Variants in PPP2R2C observed in about 807,000 individuals in gnomAD.
PPP2R2C encodes protein phosphatase 2, regulatory subunit B, gamma.
A neutral mutation model predicts 45.3 loss-of-function variants in PPP2R2C; 10 were observed. That is an observed-to-expected ratio of 0.22 (90% CI 0.14 to 0.37). PPP2R2C has a LOEUF of 0.37. PPP2R2C is among the 10% of genes least tolerant of loss of function. The pLI, the probability that PPP2R2C is intolerant of heterozygous loss-of-function variation, is 1.00. For missense variants in PPP2R2C, 308 were observed against 619.7 expected, an observed-to-expected ratio of 0.50 and a Z score of 5.34; for synonymous variants, 257 against 245.4, an observed-to-expected ratio of 1.05 and a Z score of -0.44.
intron 2 of PPP2R2C, among the ~76,000 whole-genome samples, chr4:6,526,279 C>T (rs558606960): frequency 5.9e-5 from 9 of 152,366 alleles, no homozygotes; most frequent in East Asian, 1.9e-4. Context: ...ATCATAAATT[C>T]CCTTCCTGGA....
At chr4:6,357,687 C>T (rs1260615196) in intron 5 of PPP2R2C, among the ~76,000 whole-genome samples, 3 of 152,194 alleles carry the variant, frequency 2.0e-5, no homozygotes, top group South Asian at 2.1e-4. Context: ...GGGCCTATCC[C>T]GGTCCCCCAT....
At chr4:6,506,841 T>A (rs1442288034) in intron 2 of PPP2R2C, among the ~76,000 whole-genome samples, 1 of 152,210 alleles carries the variant, frequency 6.6e-6, no homozygotes, top group Non-Finnish European at 1.5e-5. Context: ...TGGTCGATGC[T>A]GGCCATCAGC....
intron 2 of PPP2R2C, among the ~76,000 whole-genome samples, chr4:6,513,206 T>A (rs369773504): frequency 7.7e-4 from 117 of 152,330 alleles, no homozygotes; most frequent in African/African-American, 2.2e-3. Flanking sequence ...AGTAAATATG[T>A]TTAATCTTGA....
chr4:6,405,724 A>T (rs34006454), intron 1 of PPP2R2C, among the ~76,000 whole-genome samples: 4 of 152,094 alleles, frequency 2.6e-5, no homozygotes, highest in African/African-American at 4.8e-5. Flanking sequence ...ACATGACAAC[A>T]TCACGAAAAC....
Position 6,471,546 on chromosome 4 carries a change from T to A in PPP2R2C, c.70+614A>T, listed in dbSNP as rs1249538015. The A allele has an allele frequency of 2.6e-5, 4 of 152,344 alleles. No homozygotes were observed. The East Asian group carries it at 7.8e-4, about 30-fold the overall frequency. The allele number at this position is 152,344 out of a possible 1,614,324, so 9.4% of individuals were successfully genotyped here. On this transcript the variant is annotated intron_variant, in intron 1 of 8. Coordinates refer to ENST00000382599, the MANE Select transcript of PPP2R2C (RefSeq NM_020416.4). The surrounding 1 kb of genome is among the most constrained non-coding windows in gnomAD (Gnocchi z 5.6). Reference sequence around the variant, plus strand: ...TCCCGACAGTTAGCCCAGCTGCTCCTGTCTCAATATAACTCACCAGGAATA... The same window carrying A: ...TCCCGACAGTTAGCCCAGCTGCTCCAGTCTCAATATAACTCACCAGGAATA...
Position 6,358,981 on chromosome 4 carries a change from A to C in PPP2R2C, c.626-10971T>G, listed in dbSNP as rs572776588. The stretch of plus-strand genomic sequence containing the variant: ...AACTAGAAATACCATTTGACCCAGC[A>C]ATCCCATTACTGGGTATATACCCAA... On this transcript the variant is annotated intron_variant, in intron 5 of 8. Coordinates refer to ENST00000382599, the MANE Select transcript of PPP2R2C (RefSeq NM_020416.4). Among the ~76,000 whole-genome samples the C allele has an allele frequency of 5.3e-5, 8 of 152,346 alleles. No homozygotes were observed. In the East Asian group the frequency reaches 7.7e-4, roughly 15 times the overall value.
chr4:6,398,893 C>G lies in PPP2R2C; in HGVS notation c.71-17799G>C, dbSNP rs141051301. Among the ~76,000 whole-genome samples, 789 of 152,260 alleles carry G rather than the reference C, an allele frequency of 5.2e-3. 5 individuals carry two copies. The highest frequency in any genetic ancestry group is 0.018 in the African/African-American group (741 of 41,540). ...AATAAATCATGGCATATTCACAGAA[C>G]AGAATTCTCCTCAAAGAAAAAGGAA... is the stretch of plus-strand genomic sequence containing the variant. On this transcript the variant is annotated intron_variant, in intron 1 of 8. Coordinates refer to ENST00000382599, the MANE Select transcript of PPP2R2C (RefSeq NM_020416.4).
At chr4:6,389,599 G>A (rs1716459520) in intron 1 of PPP2R2C, among the ~76,000 whole-genome samples, 2 of 152,172 alleles carry the variant, frequency 1.3e-5, no homozygotes, top group South Asian at 2.1e-4. Context: ...GCTGACACTG[G>A]GATAAGGAGA....
chr4:6,455,022 T>C (rs568687170), intron 1 of PPP2R2C, among the ~76,000 whole-genome samples: 2 of 148,258 alleles, frequency 1.3e-5, no homozygotes, highest in Admixed American at 1.4e-4. Flanking sequence ...CAGACACCTA[T>C]CAAGGGATAA....
chr4:6,349,747 A>T, intron 5 of PPP2R2C: 1 of 689,174 alleles, frequency 1.5e-6, no homozygotes, highest in Non-Finnish European at 1.8e-6. Flanking sequence ...ACTAAAAAAA[A>T]ATTAGTAGTG....
At chr4:6,538,199 G>A (rs1421324894) in intron 1 of PPP2R2C, among the ~76,000 whole-genome samples, 1 of 152,086 alleles carries the variant, frequency 6.6e-6, no homozygotes, top group Admixed American at 6.6e-5. Flanking sequence ...ACGGCCCACT[G>A]AGGCGGGCAC....
Position 6,372,608 on chromosome 4 carries a change from G to A in PPP2R2C, c.540C>T (p.Ser180=), listed in dbSNP as rs201965712. ...NGHTYHINSI[S]VNSDCETYMS... is the part of the protein sequence containing the mutation. ...TGTAGGTCTCGCAGTCACTGTTGAC[G>A]GAGATGGAGTTGATGTGGTAGGTGT... Residue 180 remains serine (S), a synonymous_variant, in exon 5 of 9, where the codon TCC becomes TCT. Coordinates refer to ENST00000382599, the MANE Select transcript of PPP2R2C (RefSeq NM_020416.4). 9.8e-5 allele frequency: 158 copies of A among 1,614,082 alleles called. 1 individual carries two copies. Among genetic ancestry groups the A allele is most frequent in the Admixed American group, 8.5e-4 (51 of 60,014 alleles).
At chr4:6,518,922 T>TA (rs56002128) in intron 2 of PPP2R2C, among the ~76,000 whole-genome samples, 1,770 of 92,060 alleles carry the variant, frequency 0.019, 25 homozygotes, top group Non-Finnish European at 0.026. Flanking sequence ...GACTCTGTCT[T>TA]AAAAAAAAAA....
Position 6,378,292 on chromosome 4 carries a change from C to G in PPP2R2C, c.334+115G>C, listed in dbSNP as rs1242008803. The G allele has an allele frequency of 3.2e-6, 5 of 1,549,020 alleles. No homozygotes were observed. Among genetic ancestry groups the G allele is most frequent in the Non-Finnish European group, 4.3e-6 (5 of 1,152,192 alleles). Reference sequence around the variant, plus strand: ...TGCTGCTCAAAAAGGATATTATTTTCTAGGCGTTCTGAAGACATAGAAAAA... The same window carrying G: ...TGCTGCTCAAAAAGGATATTATTTTGTAGGCGTTCTGAAGACATAGAAAAA... On this transcript the variant is annotated intron_variant, in intron 3 of 8. Coordinates refer to ENST00000382599, the MANE Select transcript of PPP2R2C (RefSeq NM_020416.4). The surrounding 1 kb of genome is among the most constrained non-coding windows in gnomAD (Gnocchi z 5.2).
chr4:6,354,677 A>G (rs1053329675), intron 5 of PPP2R2C, among the ~76,000 whole-genome samples: 1 of 137,206 alleles, frequency 7.3e-6, no homozygotes, highest in Non-Finnish European at 1.5e-5. Flanking sequence ...ACACACTAAC[A>G]GGGTGCAGAA....
chr4:6,456,067 C>T (rs76086797), intron 1 of PPP2R2C, among the ~76,000 whole-genome samples: 1,688 of 152,310 alleles, frequency 0.011, 31 homozygotes, highest in African/African-American at 0.038. Context: ...ACAATCAACA[C>T]TAATCGGATC....
At chr4:6,440,589 C>T (rs1720105887) in intron 1 of PPP2R2C, among the ~76,000 whole-genome samples, 1 of 152,222 alleles carries the variant, frequency 6.6e-6, no homozygotes, top group Non-Finnish European at 1.5e-5. Context: ...CTGGACCCAA[C>T]CAATTGGGAG....
At chr4:6,401,469 C>T (rs760206610) in intron 1 of PPP2R2C, among the ~76,000 whole-genome samples, 4 of 151,968 alleles carry the variant, frequency 2.6e-5, no homozygotes, top group African/African-American at 2.4e-5. Flanking sequence ...GTCACTCATC[C>T]CAGAGAGTTT....
chr4:6,465,226 G>A (rs1410633425), intron 1 of PPP2R2C, among the ~76,000 whole-genome samples: 1 of 152,052 alleles, frequency 6.6e-6, no homozygotes, highest in Admixed American at 6.6e-5. Flanking sequence ...CCACCCCTTG[G>A]TCCTGCGGGG....
Sources: allele counts gnomAD v4.1 joint callset (sites outside exome capture counted in the v4.1 genomes callset), GRCh38; gene constraint gnomAD v4.1.1; non-coding constraint Gnocchi (gnomAD v3.1); transcripts MANE v1.5; gene names NCBI Gene and HGNC (gene_info 2026-07-23, HGNC 2026-07-21).